The following LIPA variants were observed in gnomAD, a reference collection of about 807,000 sequenced individuals.
The protein encoded by LIPA is lysosomal acid lipase/cholesteryl ester hydrolase.
A neutral mutation model predicts 40.6 loss-of-function variants in LIPA; 26 were observed. The observed-to-expected ratio is 0.64, with a 90% CI of 0.47 to 0.89. The LOEUF (loss-of-function observed/expected upper bound fraction) is 0.89. Among genes scored for constraint, LIPA ranks in the 40% least tolerant of loss-of-function variants. The probability of loss-of-function intolerance (pLI) is 0.00; values close to 1 mark genes in which losing one functional copy is unlikely to be tolerated. For synonymous variants in LIPA, 188 were observed against 168.4 expected (o/e 1.12, Z -0.90); for missense variants, 455 against 479.6 (o/e 0.95, Z 0.48).
At chr10:89,340,075 G>C (rs750097286) in intron 1 of LIPA, 1 of 1,612,996 alleles carries the variant, frequency 6.2e-7, no homozygotes, top group African/African-American at 1.3e-5. Context: ...GGGCCAGGGC[G>C]CAGTCAGCTC....
intron 2 of LIPA, among the ~76,000 whole-genome samples, chr10:89,247,028 T>C (rs1347077531): frequency 2.0e-5 from 3 of 152,204 alleles, no homozygotes; most frequent in African/African-American, 7.2e-5. Flanking sequence ...TGAGGTTTGT[T>C]GGCTACATAT....
chr10:89,217,882 T>C (rs1842647689), intron 8 of LIPA, among the ~76,000 whole-genome samples: 1 of 152,204 alleles, frequency 6.6e-6, no homozygotes, highest in South Asian at 2.1e-4. Flanking sequence ...GGCCAAAACT[T>C]ACCATTTCAA....
At chr10:89,218,391 A>T (rs1231563140) in intron 8 of LIPA, among the ~76,000 whole-genome samples, 1 of 152,224 alleles carries the variant, frequency 6.6e-6, no homozygotes, top group Admixed American at 6.6e-5. Context: ...CCTTTATGAC[A>T]AATATTTTAA....
chr10:89,233,601 CT>C (rs1842868641), intron 3 of LIPA, among the ~76,000 whole-genome samples: 1 of 152,198 alleles, frequency 6.6e-6, no homozygotes, highest in Non-Finnish European at 1.5e-5. Flanking sequence ...GGTTTTTGCC[CT>C]TAAAAAGCAA....
chr10:89,274,176 G>C (rs932312288), intron 1 of LIPA, among the ~76,000 whole-genome samples: 1 of 152,158 alleles, frequency 6.6e-6, no homozygotes, highest in African/African-American at 2.4e-5. Context: ...GGATTTTTTG[G>C]TTATTTGAAA....
intron 8 of LIPA, among the ~76,000 whole-genome samples, chr10:89,220,678 A>G (rs1486248178): frequency 1.3e-5 from 2 of 152,186 alleles, no homozygotes; most frequent in African/African-American, 2.4e-5. Flanking sequence ...TCTAGTTACT[A>G]TAAAGGACCA....
chr10:89,302,889 C>G (rs1220564813), intron 1 of LIPA, among the ~76,000 whole-genome samples: 1 of 152,066 alleles, frequency 6.6e-6, no homozygotes. Context: ...TCTGGAATCC[C>G]GTGTTACCAA....
intron 2 of LIPA, among the ~76,000 whole-genome samples, chr10:89,351,366 TA>T (rs1308864825): frequency 6.6e-6 from 1 of 152,134 alleles, no homozygotes; most frequent in Non-Finnish European, 1.5e-5. Flanking sequence ...CCTACAATCA[TA>T]AATATGTAAT....
intron 2 of LIPA, chr10:89,362,875 G>A: frequency 6.7e-6 from 2 of 298,526 alleles, no homozygotes; most frequent in Non-Finnish European, 1.3e-5. Flanking sequence ...TGCCTGGACG[G>A]TTTTAACACA....
intron 2 of LIPA, among the ~76,000 whole-genome samples, chr10:89,401,119 C>CTTT (rs34774861): frequency 7.1e-6 from 1 of 139,936 alleles, no homozygotes; most frequent in Admixed American, 7.2e-5. Flanking sequence ...ATTTAGATGA[C>CTTT]TTTTTTTTTT....
intron 2 of LIPA, chr10:89,362,450 C>T (rs897437192): frequency 2.3e-5 from 4 of 172,028 alleles, no homozygotes; most frequent in Admixed American, 1.9e-4. Flanking sequence ...TGTGGGAATG[C>T]ACAACATACT....
At chr10:89,380,045 A>C (rs906097383) in intron 2 of LIPA, among the ~76,000 whole-genome samples, 12 of 152,212 alleles carry the variant, frequency 7.9e-5, no homozygotes, top group Admixed American at 6.5e-4. Flanking sequence ...AAAAAAAAAA[A>C]AAAACAAAAG....
chr10:89,371,343 A>G (rs1844090347), intron 2 of LIPA, among the ~76,000 whole-genome samples: 1 of 152,230 alleles, frequency 6.6e-6, no homozygotes, highest in Non-Finnish European at 1.5e-5. Flanking sequence ...TGATAATTCC[A>G]TGACTCTCCA....
At chr10:89,382,013 G>A (rs1844167026) in intron 2 of LIPA, among the ~76,000 whole-genome samples, 1 of 152,078 alleles carries the variant, frequency 6.6e-6, no homozygotes. Context: ...CAGGCAATCT[G>A]CCTACCTCGG....
intron 2 of LIPA, chr10:89,383,836 C>T (rs754551476): frequency 3.7e-6 from 6 of 1,614,174 alleles, no homozygotes; most frequent in South Asian, 1.1e-5. Flanking sequence ...CCCTGAAAAC[C>T]CTGAATTCAA....
At chr10:89,217,249 T>C (rs180986430) in intron 8 of LIPA, among the ~76,000 whole-genome samples, 85 of 152,358 alleles carry the variant, frequency 5.6e-4, no homozygotes, top group Admixed American at 1.4e-3. Flanking sequence ...ATCAACTGCA[T>C]ACAATTCTAC....
chr10:89,229,774 C>T (rs1446871928), intron 3 of LIPA, among the ~76,000 whole-genome samples: 1 of 146,532 alleles, frequency 6.8e-6, no homozygotes, highest in African/African-American at 2.6e-5. Flanking sequence ...AAAAAGGGAA[C>T]CCTAATGTAA....
At position 89,366,746 on chromosome 10, in the gene LIPA, C is replaced by A. The variant is rs553323799; in HGVS notation, c.61+46045G>T. Among the ~76,000 whole-genome samples the A allele has an allele frequency of 3.8e-3, 572 of 152,304 alleles. 3 individuals are homozygous for A. The highest frequency in any genetic ancestry group is 0.013 in the African/African-American group (545 of 41,550). ...TTGGTGGGACTGTAAACCAGTTCAA[C>A]CACTGTGGAAGTCAGTGTGGCCATT... On this transcript the variant is annotated intron_variant, in intron 2 of 8. Coordinates refer to the LIPA transcript ENST00000371837.
intron 1 of LIPA, among the ~76,000 whole-genome samples, chr10:89,290,931 C>G (rs1251593413): frequency 3.3e-5 from 5 of 152,154 alleles, no homozygotes; most frequent in African/African-American, 1.2e-4. Flanking sequence ...GAAAATATTT[C>G]AAAGTTAAGG....
Sources: allele counts gnomAD v4.1 joint callset (sites outside exome capture counted in the v4.1 genomes callset), GRCh38; gene constraint gnomAD v4.1.1; transcripts MANE v1.5; gene names NCBI Gene and HGNC (gene_info 2026-07-23, HGNC 2026-07-21).